Variants in AP3B1 observed in about 807,000 individuals in gnomAD.
AP3B1 encodes adaptor related protein complex 3 subunit beta 1, also known as AP-3 complex subunit beta-1.
In AP3B1, 61 loss-of-function variants were observed where a neutral mutation model predicts 132.5. That is an observed-to-expected ratio of 0.46 (90% CI 0.37 to 0.57). AP3B1 has a LOEUF of 0.57. Among genes scored for constraint, AP3B1 ranks in the 20% least tolerant of loss-of-function variants. AP3B1 has a pLI of 0.00. For synonymous variants in AP3B1, 388 were observed against 438.3 expected, an observed-to-expected ratio of 0.89 and a Z score of 1.43; for missense variants, 1,120 against 1,289.4, an observed-to-expected ratio of 0.87 and a Z score of 2.01.
intron 26 of AP3B1, among the ~76,000 whole-genome samples, chr5:78,014,329 T>C (rs1021686185): frequency 6.6e-6 from 1 of 152,238 alleles, no homozygotes; most frequent in Non-Finnish European, 1.5e-5. Context: ...AGGTCAGCTC[T>C]TCTGAAGTCA....
chr5:78,013,162 A>G (rs1012288794), intron 26 of AP3B1, among the ~76,000 whole-genome samples: 17 of 152,186 alleles, frequency 1.1e-4, no homozygotes, highest in Non-Finnish European at 2.1e-4. Flanking sequence ...CTCCTACCTC[A>G]GCTTCCCAAG....
chr5:78,094,988 G>C (rs187923099), intron 21 of AP3B1, among the ~76,000 whole-genome samples: 60 of 152,240 alleles, frequency 3.9e-4, no homozygotes, highest in Admixed American at 3.5e-3. Flanking sequence ...GCCAACTGAT[G>C]CTTTCTTAAA....
chr5:78,049,167 G>A (rs977256595), intron 22 of AP3B1, among the ~76,000 whole-genome samples: 17 of 152,128 alleles, frequency 1.1e-4, no homozygotes, highest in African/African-American at 3.1e-4. Flanking sequence ...TCTGTATTGC[G>A]GTTAGAGAGC....
chr5:78,053,406 G>T (rs1022745600), intron 22 of AP3B1, among the ~76,000 whole-genome samples: 1 of 152,148 alleles, frequency 6.6e-6, no homozygotes. Flanking sequence ...TCCCAGTCGG[G>T]TGCAGCGGCT....
In AP3B1 at chr5:78,260,865, TTGTG is replaced by T. The variant is rs5868909; in HGVS notation, c.204+6651_204+6654del. Among the ~76,000 whole-genome samples the T allele has an allele frequency of 5.3e-5, 8 of 151,588 alleles. No individual in the cohort carries two copies. The East Asian group carries it at 1.2e-3, about 22-fold the overall frequency. ...GATAAAAGTGGAATCATACAATTTTTTGTGTGTGTGTGTCTGGCTTATTTGACTC... is the reference window on the plus strand; with the variant it reads ...GATAAAAGTGGAATCATACAATTTTTTGTGTGTGTCTGGCTTATTTGACTC... On this transcript the variant is annotated intron_variant, in intron 2 of 26. Coordinates refer to ENST00000255194, the MANE Select transcript of AP3B1 (RefSeq NM_003664.5).
intron 3 of AP3B1, among the ~76,000 whole-genome samples, chr5:78,233,873 T>C (rs1309457699): frequency 6.6e-6 from 1 of 152,154 alleles, no homozygotes; most frequent in Admixed American, 6.5e-5. Flanking sequence ...TTGTGGCCTA[T>C]GATGGCAGTC....
intron 22 of AP3B1, among the ~76,000 whole-genome samples, chr5:78,064,511 A>T (rs1004223317): frequency 6.6e-6 from 1 of 152,166 alleles, no homozygotes; most frequent in Non-Finnish European, 1.5e-5. Context: ...TCAGTGCATG[A>T]TTCTGATGAA....
intron 21 of AP3B1, among the ~76,000 whole-genome samples, chr5:78,094,693 T>G (rs1028990884): frequency 6.6e-6 from 1 of 152,114 alleles, no homozygotes; most frequent in Admixed American, 6.5e-5. Flanking sequence ...TCTTTTTTCT[T>G]TTTTTGTAGT....
intron 14 of AP3B1, among the ~76,000 whole-genome samples, chr5:78,147,689 T>C (rs1753465659): frequency 6.6e-6 from 1 of 152,184 alleles, no homozygotes; most frequent in South Asian, 2.1e-4. Context: ...AGCTTTGCTA[T>C]ATAGAGCTGT....
At chr5:78,155,905 T>C (rs777277599) in intron 14 of AP3B1, among the ~76,000 whole-genome samples, 3 of 152,184 alleles carry the variant, frequency 2.0e-5, no homozygotes, top group Admixed American at 1.3e-4. Context: ...GTGTGCTCAA[T>C]GGTATTGTTT....
chr5:78,241,027 C>T (rs1747111247), intron 2 of AP3B1, 91 bp from the exon 3 acceptor site: 8 of 884,604 alleles, frequency 9.0e-6, no homozygotes, highest in East Asian at 5.3e-5. Context: ...CGTAATTAAC[C>T]GCTGAACTCT....
intron 7 of AP3B1, among the ~76,000 whole-genome samples, chr5:78,191,083 A>C (rs931680472): frequency 6.6e-6 from 1 of 152,188 alleles, no homozygotes; most frequent in Non-Finnish European, 1.5e-5. Context: ...CACAGTGATA[A>C]AAGATGTCAT....
At chr5:78,247,620 T>TTGTTCAAAAGTTTAC (rs1747434210) in intron 2 of AP3B1, among the ~76,000 whole-genome samples, 1 of 152,052 alleles carries the variant, frequency 6.6e-6, no homozygotes, top group Admixed American at 6.6e-5. Flanking sequence ...ACCATACTAT[T>TTGTTCAAAAGTTTAC]TGTTCAAAAG....
At chr5:78,097,265 A>G (rs868420188) in intron 21 of AP3B1, among the ~76,000 whole-genome samples, 1,310 of 30,560 alleles carry the variant, frequency 0.043, 61 homozygotes, top group Middle Eastern at 0.083. Context: ...CCGGCCAGCC[A>G]CCCCGTCCGG....
intron 17 of AP3B1, among the ~76,000 whole-genome samples, chr5:78,122,154 T>C (rs1752236424): frequency 6.6e-6 from 1 of 152,182 alleles, no homozygotes; most frequent in Non-Finnish European, 1.5e-5. Context: ...CAACCCTTCA[T>C]GCTAAAAACT....
Position 78,113,866 on chromosome 5 carries a change from C to T in AP3B1, c.2135G>A (p.Ser712Asn), listed in dbSNP as rs372024459. The change falls in exon 19 of 27, where the codon AGC (serine) becomes AAC (asparagine). Residue 712 changes from serine to asparagine, a missense_variant. Ser to Asn is a conservative substitution (Grantham distance 46, BLOSUM62 1). Around this residue, in one of 3 missense-constraint regions of AP3B1, gnomAD observed 906 missense variants for 997.1 expected, o/e 0.91. Transcript: ENST00000255194. ...EQGESGEEGD[S>N]NEDSSEDSSS... ...GGAGTCCTCACTGCTGTCCTCATTG[C>T]TGTCTCCTTCCTCCCCACTTTCGCC... is the stretch of plus-strand genomic sequence containing the variant. 1.2e-6 allele frequency: 2 copies of T among 1,614,228 alleles called. No individual in the cohort carries two copies. The highest frequency in any genetic ancestry group is 2.7e-5 in the African/African-American group (2 of 75,066).
At chr5:78,132,199 C>G (rs540921589) in intron 15 of AP3B1, among the ~76,000 whole-genome samples, 83 of 152,242 alleles carry the variant, frequency 5.5e-4, no homozygotes, top group African/African-American at 1.9e-3. Flanking sequence ...TTCGCATGCA[C>G]AACAACCAAT....
intron 17 of AP3B1, among the ~76,000 whole-genome samples, chr5:78,123,888 C>G (rs1394605104): frequency 6.6e-6 from 1 of 152,152 alleles, no homozygotes; most frequent in Non-Finnish European, 1.5e-5. Context: ...GCTATAAAGA[C>G]ACAGGCACAT....
chr5:78,039,301 A>G, intron 22 of AP3B1, 27 bp from the exon 23 acceptor site: 1 of 1,523,432 alleles, frequency 6.6e-7, no homozygotes, highest in African/African-American at 1.4e-5. Flanking sequence ...AAAGAAAAAA[A>G]GATGAGTTAG....
Sources: gnomAD v4.1 joint callset for allele counts (sites outside exome capture counted in the v4.1 genomes callset) on GRCh38, gnomAD v4.1.1 for gene constraint, gnomAD v4.1.1 regional missense constraint, MANE v1.5 for transcripts, NCBI Gene and HGNC (gene_info 2026-07-23, HGNC 2026-07-21) for gene names.